The following TMEM131L variants were observed in gnomAD, a reference collection of about 807,000 sequenced individuals.
TMEM131L encodes transmembrane protein 131-like.
Under a neutral mutation model 192.2 loss-of-function variants are expected in TMEM131L, and 54 were observed. That is an observed-to-expected ratio of 0.28 (90% CI 0.23 to 0.35). The LOEUF is 0.35. TMEM131L is among the 10% of genes least tolerant of loss of function. The pLI is 1.00. For missense variants in TMEM131L, 1,888 were observed against 1,972.9 expected, an observed-to-expected ratio of 0.96 and a Z score of 0.82; for synonymous variants, 701 against 704.9, an observed-to-expected ratio of 0.99 and a Z score of 0.09.
intron 15 of TMEM131L, among the ~76,000 whole-genome samples, chr4:153,588,035 G>T (rs980757737): frequency 7.2e-6 from 1 of 137,996 alleles, no homozygotes; most frequent in Non-Finnish European, 1.5e-5. Context: ...TTGTACTTCC[G>T]CAAGGGTTTT....
intron 4 of TMEM131L, among the ~76,000 whole-genome samples, chr4:153,551,598 C>T (rs936528357): frequency 3.3e-5 from 5 of 152,012 alleles, no homozygotes; most frequent in African/African-American, 7.2e-5. Context: ...TCAAGTGATA[C>T]GCCCTCCTTG....
chr4:153,488,000 T>TGAGA (rs138254255), intron 3 of TMEM131L, among the ~76,000 whole-genome samples: 148,658 of 150,004 alleles, frequency 0.99, 73,671 homozygotes, highest in East Asian at 1. Context: ...TGTGTATGTA[T>TGAGA]GAGAGACAAG....
intron 3 of TMEM131L, among the ~76,000 whole-genome samples, chr4:153,477,625 G>C (rs1427817077): frequency 1.3e-5 from 2 of 152,094 alleles, no homozygotes; most frequent in African/African-American, 4.8e-5. Flanking sequence ...CATCATGCCT[G>C]TGTACTTGCA....
rs561352765 is a variant in TMEM131L, at chr4:153,569,127, G to A, written c.660+10759G>A. ...AATTCCTTGACCTCCAAGGAGAGAG[G>A]AAGGCTTGGGATAAAAGGACAGTAG... is the stretch of plus-strand genomic sequence containing the variant. On this transcript the variant is annotated intron_variant, in intron 7 of 34. Coordinates refer to ENST00000409959, the MANE Select transcript of TMEM131L (RefSeq NM_001131007.2). 2.1e-3 allele frequency among the ~76,000 whole-genome samples: 313 copies of A among 152,328 alleles called. 7 individuals are homozygous for A. Among genetic ancestry groups the A allele is most frequent in the Admixed American group, 0.02 (310 of 15,298 alleles).
intron 3 of TMEM131L, among the ~76,000 whole-genome samples, chr4:153,520,389 A>G (rs1354267065): frequency 6.6e-6 from 1 of 152,148 alleles, no homozygotes; most frequent in Non-Finnish European, 1.5e-5. Flanking sequence ...AGGATAGCTG[A>G]TCACTGGAGG....
chr4:153,574,571 G>A (rs1729808765), intron 7 of TMEM131L, among the ~76,000 whole-genome samples: 2 of 152,170 alleles, frequency 1.3e-5, no homozygotes, highest in Non-Finnish European at 2.9e-5. Flanking sequence ...TACAGAATCA[G>A]TGTTCCAGAT....
At chr4:153,633,228 T>G (rs1734340110) in intron 32 of TMEM131L, 1 of 172,014 alleles carries the variant, frequency 5.8e-6, no homozygotes, top group African/African-American at 2.4e-5. Flanking sequence ...TGTTTATTTA[T>G]TTTTTAGAGA....
At chr4:153,514,182 C>G (rs1264760470) in intron 3 of TMEM131L, among the ~76,000 whole-genome samples, 1 of 152,146 alleles carries the variant, frequency 6.6e-6, no homozygotes, top group Non-Finnish European at 1.5e-5. Context: ...TGATTTTCTC[C>G]TCTGTAAAAC....
intron 34 of TMEM131L, among the ~76,000 whole-genome samples, chr4:153,635,925 A>C (rs1419405858): frequency 1.3e-5 from 2 of 152,068 alleles, no homozygotes; most frequent in Non-Finnish European, 2.9e-5. Flanking sequence ...CCGATACGAG[A>C]TGAAAGTCCC....
At chr4:153,617,179 T>C (rs1325729937) in intron 26 of TMEM131L, among the ~76,000 whole-genome samples, 1 of 152,166 alleles carries the variant, frequency 6.6e-6, no homozygotes, top group Non-Finnish European at 1.5e-5. Context: ...GTTTTAAAAA[T>C]GGGAGTTTCC....
chr4:153,547,424 C>A (rs1373787961), intron 3 of TMEM131L, among the ~76,000 whole-genome samples: 3 of 152,214 alleles, frequency 2.0e-5, no homozygotes, highest in Non-Finnish European at 2.9e-5. Flanking sequence ...TGACTTTAAG[C>A]TCAATCAGCT....
At chr4:153,543,088 C>T (rs1404627303) in intron 3 of TMEM131L, among the ~76,000 whole-genome samples, 2 of 152,190 alleles carry the variant, frequency 1.3e-5, no homozygotes, top group Non-Finnish European at 2.9e-5. Flanking sequence ...TTTGATTCCT[C>T]TCTTTTGGTT....
chr4:153,521,862 GTT>G (rs34480228), intron 3 of TMEM131L, among the ~76,000 whole-genome samples: 66,111 of 136,936 alleles, frequency 0.48, 14,898 homozygotes, highest in East Asian at 0.57. Flanking sequence ...TGTTTTCTGT[GTT>G]TTTTTTTTTT....
At chr4:153,527,267 GT>G (rs10708884) in intron 3 of TMEM131L, among the ~76,000 whole-genome samples, 37,343 of 151,568 alleles carry the variant, frequency 0.25, 4,668 homozygotes, top group Admixed American at 0.31. Context: ...CAAATCTTCA[GT>G]TTTTTTTCTT....
At chr4:153,622,450 T>G (rs1439047840) in intron 28 of TMEM131L, among the ~76,000 whole-genome samples, 1 of 152,242 alleles carries the variant, frequency 6.6e-6, no homozygotes, top group African/African-American at 2.4e-5. Context: ...CCTCTCTTTT[T>G]CATTCCCTTG....
chr4:153,575,846 A>T (rs1216185228), intron 7 of TMEM131L, among the ~76,000 whole-genome samples: 1 of 152,174 alleles, frequency 6.6e-6, no homozygotes, highest in South Asian at 2.1e-4. Flanking sequence ...CTGTTGTCAC[A>T]CAGTGTGCTC....
At chr4:153,500,364 C>T (rs1371266704) in intron 3 of TMEM131L, among the ~76,000 whole-genome samples, 1 of 152,240 alleles carries the variant, frequency 6.6e-6, no homozygotes, top group Admixed American at 6.5e-5. Context: ...GCCTCAGCCT[C>T]CCAAAGTGCT....
At chr4:153,524,940 C>T (rs1019376501) in intron 3 of TMEM131L, among the ~76,000 whole-genome samples, 4 of 152,112 alleles carry the variant, frequency 2.6e-5, no homozygotes, top group Non-Finnish European at 5.9e-5. Context: ...ATGATATTGG[C>T]TTCATGTTGT....
rs777466902 is a variant in TMEM131L at position 153,623,063 on chromosome 4, C to T, written c.4025C>T (p.Ala1342Val). 1 of 1,608,182 alleles carries T rather than the reference C, an allele frequency of 6.2e-7. No homozygotes were observed. Among genetic ancestry groups the T allele is most frequent in the South Asian group, 1.1e-5 (1 of 90,352 alleles). The change falls in exon 29 of 35, where the codon GCC becomes GTC. Residue 1342 changes from alanine to valine, a missense_variant. Physicochemically the swap from Ala to Val is moderately conservative, Grantham distance 64 (BLOSUM62 0). Transcript: ENST00000409959. The stretch of plus-strand genomic sequence containing the variant: ...GGGGATAAGAAGCCCATGGTGGACG[C>T]CCAGCACTTCCTGCCGGCCGGTGAG... Reference protein sequence around the residue: ...SDGDKKPMVDAQHFLPAGDSV... With the variant: ...SDGDKKPMVDVQHFLPAGDSV...
Sources: gnomAD v4.1 joint callset for allele counts (sites outside exome capture counted in the v4.1 genomes callset) on GRCh38, gnomAD v4.1.1 for gene constraint, MANE v1.5 for transcripts, NCBI Gene and HGNC (gene_info 2026-07-23, HGNC 2026-07-21) for gene names.